Variants in STK31 observed in about 807,000 individuals in gnomAD.
STK31 encodes serine/threonine-protein kinase 31.
In STK31, 89 loss-of-function variants were observed where a neutral mutation model predicts 129.7. The ratio of observed to expected loss-of-function variants is 0.69; its 90% CI spans 0.58 to 0.82. The LOEUF is 0.82. STK31 is among the 40% of genes least tolerant of loss of function. STK31 has a pLI of 0.00. For missense variants in STK31, 1,187 were observed against 1,176.4 expected (o/e 1.01, Z -0.13); for synonymous variants, 448 against 395.3 (o/e 1.13, Z -1.58).
chr7:23,721,437 C>G, intron 4 of STK31: 1 of 1,065,332 alleles, frequency 9.4e-7, no homozygotes, highest in Non-Finnish European at 1.4e-6. Flanking sequence ...TTTTCTTCCT[C>G]TTCTTTGTTA....
chr7:23,729,349 G>T, intron 6 of STK31, 100 bp downstream of exon 6: 1 of 1,070,966 alleles, frequency 9.3e-7, no homozygotes, highest in South Asian at 2.2e-5. Flanking sequence ...ATAAAAGTCT[G>T]TATAAATTAG....
At chr7:23,795,097 C>G (rs1185531532) in intron 22 of STK31, among the ~76,000 whole-genome samples, 1 of 152,194 alleles carries the variant, frequency 6.6e-6, no homozygotes, top group Non-Finnish European at 1.5e-5. Flanking sequence ...GGGAAAGTAT[C>G]TCCAGGGCAT....
At chr7:23,831,407 C>G (rs1215726359) in intron 23 of STK31, among the ~76,000 whole-genome samples, 1 of 151,994 alleles carries the variant, frequency 6.6e-6, no homozygotes, top group African/African-American at 2.4e-5. Context: ...TCTGTCTTAC[C>G]TGATACAAGT....
chr7:23,806,388 C>T (rs1792703608), intron 22 of STK31, among the ~76,000 whole-genome samples: 2 of 152,172 alleles, frequency 1.3e-5, no homozygotes, highest in African/African-American at 4.8e-5. Context: ...CATATGCTGT[C>T]CTTTCTTGAG....
At chr7:23,782,510 ATAATAT>A (rs1392273351) in intron 16 of STK31, among the ~76,000 whole-genome samples, 1 of 151,610 alleles carries the variant, frequency 6.6e-6, no homozygotes, top group Non-Finnish European at 1.5e-5. Flanking sequence ...AAAGAAAGTA[ATAATAT>A]TAATACTGTG....
At chr7:23,727,556 C>CTTTTTTTTTTTTTTTTTT (rs58066410) in intron 5 of STK31, 2 of 125,358 alleles carry the variant, frequency 1.6e-5, no homozygotes, top group Non-Finnish European at 2.7e-5. Context: ...TACCTCAGTT[C>CTTTTTTTTTTTTTTTTTT]TTTTTTTTTT....
intron 23 of STK31, among the ~76,000 whole-genome samples, chr7:23,820,479 G>A (rs893629322): frequency 2.0e-5 from 3 of 152,194 alleles, no homozygotes; most frequent in South Asian, 2.1e-4. Context: ...AATGACAGTC[G>A]GTATTTAGGG....
At chr7:23,767,238 T>G (rs1347059110) in intron 11 of STK31, among the ~76,000 whole-genome samples, 1 of 152,212 alleles carries the variant, frequency 6.6e-6, no homozygotes, top group African/African-American at 2.4e-5. Flanking sequence ...TTCAGAGTGC[T>G]TGTGCTGTTC....
chr7:23,736,166 A>G (rs944647995), intron 7 of STK31, among the ~76,000 whole-genome samples: 2 of 152,258 alleles, frequency 1.3e-5, no homozygotes, highest in African/African-American at 2.4e-5. Flanking sequence ...ACACTTATCA[A>G]AAATAAAAAT....
At chr7:23,828,615 C>T (rs890636440) in intron 23 of STK31, among the ~76,000 whole-genome samples, 8 of 152,262 alleles carry the variant, frequency 5.3e-5, no homozygotes, top group South Asian at 2.1e-4. Context: ...ACCCACTGTC[C>T]GGCACTCCCC....
Position 23,729,262 on chromosome 7 carries a change from T to C in STK31, c.483+13T>C, listed in dbSNP as rs759959087. ...CCAGTTTGATCAGGCAAGTCACGTA[T>C]TTTAAATATTTTTGCTAATGAAAGT... On this transcript the variant is annotated intron_variant, in intron 6 of 23. Transcript: ENST00000355870. The C allele has an allele frequency of 6.4e-7, 1 of 1,557,638 alleles. No homozygotes were observed. The highest frequency in any genetic ancestry group is 8.6e-7 in the Non-Finnish European group (1 of 1,158,612).
At chr7:23,809,362 A>C (rs1792938708) in intron 22 of STK31, among the ~76,000 whole-genome samples, 2 of 152,062 alleles carry the variant, frequency 1.3e-5, no homozygotes, top group African/African-American at 4.8e-5. Context: ...CCTTTTCATC[A>C]ATTCTCCACT....
At chr7:23,788,676 C>T (rs974056394) in intron 21 of STK31, among the ~76,000 whole-genome samples, 1 of 151,564 alleles carries the variant, frequency 6.6e-6, no homozygotes, top group South Asian at 2.1e-4. Flanking sequence ...ATTTTTTTGT[C>T]GTTATAATGG....
chr7:23,821,917 C>T (rs1793805848), intron 23 of STK31, among the ~76,000 whole-genome samples: 1 of 152,080 alleles, frequency 6.6e-6, no homozygotes, highest in Admixed American at 6.6e-5. Context: ...GGTGTCTTTT[C>T]CCCAGTATAT....
chr7:23,799,889 CA>C (rs1268827221), intron 22 of STK31, among the ~76,000 whole-genome samples: 1 of 151,884 alleles, frequency 6.6e-6, no homozygotes, highest in Non-Finnish European at 1.5e-5. Flanking sequence ...AACACATTTA[CA>C]AAAAGAAAAC....
intron 23 of STK31, 63 bp from the exon 24 acceptor site, chr7:23,832,073 C>T: frequency 2.5e-6 from 3 of 1,215,662 alleles, no homozygotes; most frequent in Non-Finnish European, 3.6e-6. Context: ...AAGTCCACTT[C>T]CTTCTTCATT....
intron 6 of STK31, among the ~76,000 whole-genome samples, chr7:23,735,056 A>G (rs2128079444): frequency 6.6e-6 from 1 of 152,222 alleles, no homozygotes; most frequent in South Asian, 2.1e-4. Flanking sequence ...ATTTGTTCGT[A>G]TTTTGTGCTT....
intron 23 of STK31, among the ~76,000 whole-genome samples, chr7:23,831,636 T>C (rs1330407543): frequency 6.6e-6 from 1 of 152,226 alleles, no homozygotes; most frequent in Non-Finnish European, 1.5e-5. Context: ...GGTTGTTTTG[T>C]GTATCTTTTG....
chr7:23,767,115 T>C (rs1789877132), intron 11 of STK31, among the ~76,000 whole-genome samples: 1 of 152,234 alleles, frequency 6.6e-6, no homozygotes, highest in Admixed American at 6.5e-5. Flanking sequence ...TCCAATATTC[T>C]TTCTTTTGTT....
Sources: gnomAD v4.1 joint callset for allele counts (sites outside exome capture counted in the v4.1 genomes callset) on GRCh38, gnomAD v4.1.1 for gene constraint, MANE v1.5 for transcripts, NCBI Gene and HGNC (gene_info 2026-07-23, HGNC 2026-07-21) for gene names.